ASXL1: variants seen among roughly 807,000 people sequenced by gnomAD.
ASXL1 encodes the protein ASXL transcriptional regulator 1, also known as polycomb group protein ASXL1.
Under a neutral mutation model 89.1 loss-of-function variants are expected in ASXL1, and 65 were observed. The ratio of observed to expected loss-of-function variants is 0.73; its 90% CI spans 0.60 to 0.90. ASXL1 has a LOEUF of 0.90. Among genes scored for constraint, ASXL1 ranks in the 40% least tolerant of loss-of-function variants. The pLI, the probability that ASXL1 is intolerant of heterozygous loss-of-function variation, is 0.00. For synonymous variants in ASXL1, 739 were observed against 746.9 expected, an observed-to-expected ratio of 0.99 and a Z score of 0.17; for missense variants, 1,786 against 1,942.9, an observed-to-expected ratio of 0.92 and a Z score of 1.52.
intron 4 of ASXL1, among the ~76,000 whole-genome samples, chr20:32,397,701 T>C (rs1417695027): frequency 2.0e-5 from 3 of 150,954 alleles, no homozygotes; most frequent in Admixed American, 2.0e-4. Context: ...GCCAAGCCAA[T>C]TGTGTTTTAA....
At chr20:32,419,266 G>A (rs1000053033) in intron 4 of ASXL1, among the ~76,000 whole-genome samples, 2 of 151,964 alleles carry the variant, frequency 1.3e-5, no homozygotes, top group Non-Finnish European at 2.9e-5. Flanking sequence ...GCAGTGGTGC[G>A]ATCATAGCTC....
At chr20:32,378,158 T>TCG (rs1555902407) in intron 4 of ASXL1, among the ~76,000 whole-genome samples, 3 of 130,316 alleles carry the variant, frequency 2.3e-5, no homozygotes, top group African/African-American at 9.1e-5. Context: ...GCTGAGTAAT[T>TCG]TGTGTGTGTG....
intron 4 of ASXL1, among the ~76,000 whole-genome samples, chr20:32,376,222 GTTATTTTATTTTATTT>G (rs2048375308): frequency 6.6e-6 from 1 of 151,904 alleles, no homozygotes; most frequent in African/African-American, 2.4e-5. Flanking sequence ...GAAGACACCA[GTTATTTTATTTTATTT>G]TTATTTTATT....
rs775538653 is a variant in ASXL1, at chr20:32,434,699, A to G, written c.1987A>G (p.Ser663Gly). The stretch of plus-strand genomic sequence containing the variant: ...CACCGATGAGGGAGGTGGCAGAGGC[A>G]GCAGCAGTGGTGATGGTGGTGAGGC... ...GATDEGGGRG[S>G]SSGDGGEACG... Residue 663 changes from serine (S) to glycine (G), a missense_variant, in exon 13 of 13, where the codon AGC becomes GGC. This residue lies in a region of ASXL1 where 1,418 missense variants were observed against 1,427.8 expected (regional missense o/e 0.99). Transcript: ENST00000375687. 1.2e-6 allele frequency: 2 copies of G among 1,607,150 alleles called. No individual in the cohort carries two copies. The highest frequency in any genetic ancestry group is 1.1e-5 in the South Asian group (1 of 90,570).
chr20:32,374,353 G>A (rs1438882678), intron 4 of ASXL1, among the ~76,000 whole-genome samples: 4 of 152,096 alleles, frequency 2.6e-5, no homozygotes, highest in Admixed American at 2.0e-4. Context: ...TGGTGCAGTG[G>A]CACCATCATA....
rs2048323555 is a variant in ASXL1, at chr20:32,372,948, T to TC, written c.252+3825_252+3826insC. Among the ~76,000 whole-genome samples the TC allele has an allele frequency of 4.6e-5, 7 of 150,834 alleles. No homozygotes were observed. The South Asian group carries it at 1.5e-3, about 32-fold the overall frequency. On this transcript the variant is annotated intron_variant, in intron 4 of 12. Coordinates refer to ENST00000375687, the MANE Select transcript of ASXL1 (RefSeq NM_015338.6). ...TACTGTTTATGATTTTCTTTTTCTTTTTTTTTTTTTGGTAGAGACAGTCTC... is the reference window on the plus strand; with the variant it reads ...TACTGTTTATGATTTTCTTTTTCTTTCTTTTTTTTTTGGTAGAGACAGTCTC...
chr20:32,416,133 C>T (rs1455221044), intron 4 of ASXL1, among the ~76,000 whole-genome samples: 1 of 152,064 alleles, frequency 6.6e-6, no homozygotes, highest in Non-Finnish European at 1.5e-5. Context: ...ATTTTGATAC[C>T]TGTATGCAAT....
chr20:32,367,312 G>A (rs148630933), intron 2 of ASXL1, among the ~76,000 whole-genome samples: 18 of 152,252 alleles, frequency 1.2e-4, no homozygotes, highest in Admixed American at 6.5e-4. Flanking sequence ...CTCAGGAGAC[G>A]GAGGTTGCAG....
chr20:32,423,708 C>T (rs2011200154), intron 4 of ASXL1, among the ~76,000 whole-genome samples: 1 of 151,952 alleles, frequency 6.6e-6, no homozygotes, highest in African/African-American at 2.4e-5. Flanking sequence ...GTACACCACA[C>T]CCAACTAATT....
intron 4 of ASXL1, chr20:32,372,346 C>A: frequency 8.6e-7 from 1 of 1,168,426 alleles, no homozygotes; most frequent in Non-Finnish European, 1.1e-6. Context: ...TGTTGCTTAT[C>A]CTTCATAGTA....
At position 32,437,229 on chromosome 20, in the gene ASXL1, G is replaced by T; in HGVS notation, c.4517G>T (p.Cys1506Phe). ...ACGGTGGAAAGCATCTCGCTCCAGT[G>T]TGCGTGCAGCCTGAAAGCCATGATC... Reference protein sequence around the residue: ...SSTVESISLQCACSLKAMIMC... With the variant: ...SSTVESISLQFACSLKAMIMC... Residue 1506 changes from cysteine (C) to phenylalanine (F), a missense_variant, in exon 13 of 13, where the codon TGT becomes TTT. This residue lies in a region of ASXL1 where 36 missense variants were observed against 65.5 expected (regional missense o/e 0.55). Transcript: ENST00000375687. 1 of 1,613,926 alleles carries T rather than the reference G, an allele frequency of 6.2e-7. No homozygotes were observed. The highest frequency in any genetic ancestry group is 8.5e-7 in the Non-Finnish European group (1 of 1,179,808).
At position 32,398,602 on chromosome 20, in the gene ASXL1, T is replaced by TGTTTTTTTTTTTTG. The variant is rs1569281356; in HGVS notation, c.252+29491_252+29492insTGGTTTTTTTTTTT. ...TGTGGCTGGTTTTGTTTTTTTTGTT[T>TGTTTTTTTTTTTTG]GTTTTTTTTTTTGTTTTTTTTTTTT... On this transcript the variant is annotated intron_variant, in intron 4 of 12. Transcript: ENST00000375687. Among the ~76,000 whole-genome samples, 17 of 64,674 alleles carry TGTTTTTTTTTTTTG rather than the reference T, an allele frequency of 2.6e-4. No homozygotes were observed. The South Asian group carries it at 0.015, about 57-fold the overall frequency. 42.4% of individuals were successfully genotyped at this position (64,674 alleles called of 152,430 possible).
chr20:32,427,895 T>C (rs2123207307), intron 4 of ASXL1: 3 of 530,926 alleles, frequency 5.7e-6, no homozygotes, highest in Non-Finnish European at 1.0e-5. Context: ...GTATAGCTTA[T>C]AGGAGGCACC....
rs373126831 is a variant in ASXL1, at chr20:32,433,529, C to G, written c.1331C>G (p.Ser444Ter). Residue 444 changes from serine to a stop codon, truncating the protein, a stop_gained, in exon 12 of 13, where the codon TCA (serine) becomes TGA (stop). Transcript: ENST00000375687. LOFTEE classifies it high-confidence loss of function. ...GCTAAGGATGCAAAATCTGTGGCCTCAGATGTTCCCCTCTACAAGGATGGG... is the reference window on the plus strand; with the variant it reads ...GCTAAGGATGCAAAATCTGTGGCCTGAGATGTTCCCCTCTACAAGGATGGG... The part of the protein sequence containing the change: ...GVAKDAKSVA[S>*]DVPLYKDGEA... 6.2e-7 allele frequency: 1 copy of G among 1,614,204 alleles called. No homozygotes were observed. The highest frequency in any genetic ancestry group is 8.5e-7 in the Non-Finnish European group (1 of 1,180,034).
Position 32,437,532 on chromosome 20 carries a change from G to A in ASXL1, c.*194G>A, listed in dbSNP as rs2011998448. 2.3e-6 allele frequency: 2 copies of A among 872,016 alleles called. No homozygotes were observed. Among genetic ancestry groups the A allele is most frequent in the Admixed American group, 2.5e-5 (1 of 40,734 alleles). 54.0% of individuals were successfully genotyped at this position (872,016 alleles called of 1,614,324 possible). On this transcript the variant is annotated 3_prime_UTR_variant, in exon 13 of 13. Coordinates refer to ENST00000375687, the MANE Select transcript of ASXL1 (RefSeq NM_015338.6). ...CTGGTCTTGCTGGAGGGGTTTCCTG[G>A]GTATAACCCATTGGGCTGCCCAAGG...
Position 32,434,532 on chromosome 20 carries a change from G to A in ASXL1, c.1820G>A (p.Gly607Asp), listed in dbSNP as rs1479104382. The change falls in exon 13 of 13, where the codon GGT becomes GAT. Residue 607 changes from glycine to aspartate, a missense_variant. Around this residue, in one of 3 missense-constraint regions of ASXL1, gnomAD observed 1,418 missense variants for 1,427.8 expected, o/e 0.99. Transcript: ENST00000375687. ...CCCACCACGGAGTCCTCCTGCCGGG[G>A]TTGGACTGGCGCCAGGACCCTCGCA... ...IIPTTESSCRGWTGARTLADI... is the reference protein window; with the variant it reads ...IIPTTESSCRDWTGARTLADI... The A allele has an allele frequency of 6.2e-7, 1 of 1,613,876 alleles. No homozygotes were observed. The highest frequency in any genetic ancestry group is 1.3e-5 in the African/African-American group (1 of 74,930).
chr20:32,404,243 T>C (rs938690229), intron 4 of ASXL1, among the ~76,000 whole-genome samples: 1 of 152,178 alleles, frequency 6.6e-6, no homozygotes, highest in African/African-American at 2.4e-5. Context: ...AGCTCCCACA[T>C]AGGAGTGACA....
chr20:32,398,767 G>A (rs1338915823), intron 4 of ASXL1, among the ~76,000 whole-genome samples: 1 of 151,100 alleles, frequency 6.6e-6, no homozygotes, highest in Non-Finnish European at 1.5e-5. Flanking sequence ...CCGCCACTAC[G>A]CCCGGCTCAT....
At position 32,433,415 on chromosome 20, in the gene ASXL1, G is replaced by T. The variant is rs778241944; in HGVS notation, c.1217G>T (p.Gly406Val). The T allele has an allele frequency of 6.2e-7, 1 of 1,614,138 alleles. No homozygotes were observed. Among genetic ancestry groups the T allele is most frequent in the Admixed American group, 1.7e-5 (1 of 60,014 alleles). ...QRGPATRQRDGHFKKRSRPDL... is the reference protein window; with the variant it reads ...QRGPATRQRDVHFKKRSRPDL... ...GGTCCAGCCACCCGACAGCGAGATG[G>T]GCATTTTAAGAAACGCTCTCGGCCA... The change falls in exon 12 of 13, where the codon GGG (glycine) becomes GTG (valine). Residue 406 changes from glycine (G) to valine (V), a missense_variant. By Grantham distance (109) the Gly-to-Val change is moderately radical. Coordinates refer to ENST00000375687, the MANE Select transcript of ASXL1 (RefSeq NM_015338.6).
Sources: allele counts gnomAD v4.1 joint callset (sites outside exome capture counted in the v4.1 genomes callset), GRCh38; gene constraint gnomAD v4.1.1; regional missense constraint gnomAD v4.1.1; transcripts MANE v1.5; gene names NCBI Gene and HGNC (gene_info 2026-07-23, HGNC 2026-07-21).